TRERF1: variants seen among roughly 807,000 people sequenced by gnomAD.
TRERF1 encodes the protein transcriptional regulating factor 1, also known as transcriptional-regulating factor 1.
Under a neutral mutation model 122.9 loss-of-function variants are expected in TRERF1, and 27 were observed. That is an observed-to-expected ratio of 0.22 (90% CI 0.16 to 0.30). The LOEUF is 0.30. Among genes scored for constraint, TRERF1 ranks in the 10% least tolerant of loss-of-function variants. The pLI is 1.00. For missense variants in TRERF1, 1,248 were observed against 1,560.3 expected, an observed-to-expected ratio of 0.80 and a Z score of 3.37; for synonymous variants, 636 against 641.7, an observed-to-expected ratio of 0.99 and a Z score of 0.13.
rs368939129 is a variant in TRERF1, at chr6:42,408,321, G to GTA, written c.-454+42854_-454+42855dup. Among the ~76,000 whole-genome samples the GTA allele has an allele frequency of 4.6e-3, 520 of 114,098 alleles. 4 individuals carry two copies. The highest frequency in any genetic ancestry group is 6.4e-3 in the Non-Finnish European group (362 of 56,860). The allele number at this position is 114,098 out of a possible 152,430, so 74.9% of individuals were successfully genotyped here. A position where few individuals can be genotyped will look rare whatever the true frequency, so the allele number is the denominator to read the frequency against. ...TGTATATATACATACTCATGTGTGT[G>GTA]TATATATATATATACATACACGTGT... is the stretch of plus-strand genomic sequence containing the variant. On this transcript the variant is annotated intron_variant, in intron 2 of 17. Transcript: ENST00000372922.
chr6:42,271,591 A>G (rs946392990), intron 4 of TRERF1, among the ~76,000 whole-genome samples: 1 of 152,142 alleles, frequency 6.6e-6, no homozygotes, highest in East Asian at 1.9e-4. Flanking sequence ...TATTTTAAAA[A>G]GTCACCCCCC....
chr6:42,236,675 G>C (rs1772305710), intron 15 of TRERF1, among the ~76,000 whole-genome samples: 1 of 152,198 alleles, frequency 6.6e-6, no homozygotes, highest in African/African-American at 2.4e-5. Context: ...GATATGGTGA[G>C]GCAGAGAGGA....
intron 13 of TRERF1, among the ~76,000 whole-genome samples, chr6:42,253,906 A>G (rs1257685452): frequency 6.6e-6 from 1 of 152,222 alleles, no homozygotes; most frequent in Non-Finnish European, 1.5e-5. Context: ...TGCCCAGAGC[A>G]CCAAAGAAAC....
intron 3 of TRERF1, among the ~76,000 whole-genome samples, chr6:42,335,044 G>A (rs901232328): frequency 6.6e-5 from 10 of 152,200 alleles, no homozygotes; most frequent in African/African-American, 2.4e-4. Context: ...ATCAGGCTAC[G>A]TGGCACACAG....
At chr6:42,424,776 G>A (rs1221976739) in intron 2 of TRERF1, among the ~76,000 whole-genome samples, 1 of 152,190 alleles carries the variant, frequency 6.6e-6, no homozygotes, top group Non-Finnish European at 1.5e-5. Context: ...GAAATTAAGT[G>A]TCTCATCATA....
chr6:42,264,310 T>G (rs1416612450), intron 7 of TRERF1, among the ~76,000 whole-genome samples: 1 of 152,250 alleles, frequency 6.6e-6, no homozygotes, highest in Non-Finnish European at 1.5e-5. Flanking sequence ...GCTGAGAGCC[T>G]GATGATTATA....
In TRERF1 at chr6:42,276,295, A is replaced by T. The variant is rs1781131754; in HGVS notation, c.-258-6447T>A. ...GTCTCCGCAGGACTTGTTTGCTTAC[A>T]ATTCAGAAGGGGTAACACCCTGCTC... On this transcript the variant is annotated intron_variant, in intron 4 of 17. Transcript: ENST00000372922. The surrounding 1 kb of genome is among the most constrained non-coding windows in gnomAD (Gnocchi z 4.3). 6.6e-6 allele frequency among the ~76,000 whole-genome samples: 1 copy of T among 152,254 alleles called. No homozygotes were observed. Among genetic ancestry groups the T allele is most frequent in the South Asian group, 2.1e-4 (1 of 4,836 alleles).
At chr6:42,267,646 C>CA (rs1457726098) in intron 5 of TRERF1, among the ~76,000 whole-genome samples, 6 of 152,096 alleles carry the variant, frequency 3.9e-5, no homozygotes, top group Admixed American at 2.0e-4. Context: ...AAAACAAAAA[C>CA]AAAAATAAAA....
At chr6:42,225,842 T>C (rs1195068234) in exon 18 of TRERF1, 2 of 152,162 alleles carry the variant, frequency 1.3e-5, no homozygotes, top group Non-Finnish European at 2.9e-5. Context: ...GGTTTTTCCA[T>C]AAAATATATC....
rs147057171 is a variant in TRERF1 at position 42,275,877 on chromosome 6, C to T, written c.-258-6029G>A. Among the ~76,000 whole-genome samples, 66 of 152,340 alleles carry T rather than the reference C, an allele frequency of 4.3e-4. No homozygotes were observed. The highest frequency in any genetic ancestry group is 3.4e-3 in the Middle Eastern group (1 of 294). On this transcript the variant is annotated intron_variant, in intron 4 of 17. Coordinates refer to ENST00000372922, the Ensembl canonical transcript of TRERF1. The surrounding 1 kb of genome is among the most constrained non-coding windows in gnomAD (Gnocchi z 4.1). Reference sequence around the variant, plus strand: ...TTCTGTCACAACGCTGCCACGGTAGCGTGAAAGCGGCCACAGACCATATAT... The same window carrying T: ...TTCTGTCACAACGCTGCCACGGTAGTGTGAAAGCGGCCACAGACCATATAT...
chr6:42,399,499 C>T (rs761966081), intron 2 of TRERF1, among the ~76,000 whole-genome samples: 24 of 152,162 alleles, frequency 1.6e-4, no homozygotes, highest in Admixed American at 2.6e-4. Flanking sequence ...AGCCAACACC[C>T]AAATGCCAGC....
At chr6:42,356,157 T>C (rs1770495007) in intron 3 of TRERF1, among the ~76,000 whole-genome samples, 1 of 152,192 alleles carries the variant, frequency 6.6e-6, no homozygotes, top group Admixed American at 6.5e-5. Flanking sequence ...AAGGAACACT[T>C]GTCGCTCTAA....
At chr6:42,401,961 G>A (rs1040767812) in intron 2 of TRERF1, among the ~76,000 whole-genome samples, 4 of 152,166 alleles carry the variant, frequency 2.6e-5, no homozygotes, top group South Asian at 2.1e-4. Context: ...CTCAGCAGCC[G>A]ATAACGAAGA....
At chr6:42,403,955 GC>G (rs1376454628) in intron 2 of TRERF1, among the ~76,000 whole-genome samples, 1 of 152,030 alleles carries the variant, frequency 6.6e-6, no homozygotes, top group Non-Finnish European at 1.5e-5. Flanking sequence ...TTGCCACAGA[GC>G]CCGCTTGCAG....
intron 2 of TRERF1, among the ~76,000 whole-genome samples, chr6:42,433,344 C>T (rs260255): frequency 0.85 from 129,562 of 151,908 alleles, 55,319 homozygotes; most frequent in Non-Finnish European, 0.88. Context: ...CAATGTTCTG[C>T]AAGCGATTTC....
intron 3 of TRERF1, among the ~76,000 whole-genome samples, chr6:42,356,579 T>C (rs1447595494): frequency 3.3e-5 from 5 of 151,458 alleles, no homozygotes; most frequent in Non-Finnish European, 5.9e-5. Context: ...TTTTTATTTA[T>C]TTATTTATTT....
intron 3 of TRERF1, among the ~76,000 whole-genome samples, chr6:42,356,688 C>T (rs1770614449): frequency 6.6e-6 from 1 of 152,160 alleles, no homozygotes; most frequent in African/African-American, 2.4e-5. Flanking sequence ...GATTCTCTTG[C>T]CTCAGCCTCC....
chr6:42,385,147 T>C (rs192604238), intron 2 of TRERF1, among the ~76,000 whole-genome samples: 40 of 152,236 alleles, frequency 2.6e-4, no homozygotes, highest in Non-Finnish European at 1.3e-4. Flanking sequence ...CGGCTAATTT[T>C]TGTATTTTTA....
At chr6:42,292,197 C>T (rs1288036044) in intron 4 of TRERF1, among the ~76,000 whole-genome samples, 3 of 152,152 alleles carry the variant, frequency 2.0e-5, no homozygotes, top group Non-Finnish European at 2.9e-5. Flanking sequence ...ACGTGGGTTA[C>T]AGTTTAGACC....
Sources: gnomAD v4.1 joint callset for allele counts (sites outside exome capture counted in the v4.1 genomes callset) on GRCh38, gnomAD v4.1.1 for gene constraint, Gnocchi (gnomAD v3.1) non-coding constraint, MANE v1.5 for transcripts, NCBI Gene and HGNC (gene_info 2026-07-23, HGNC 2026-07-21) for gene names.